SULT1C4: variants seen among roughly 807,000 people sequenced by gnomAD.
SULT1C4 encodes sulfotransferase family 1C member 4.
In SULT1C4, 32 loss-of-function variants were observed where a neutral mutation model predicts 34.8. The ratio of observed to expected loss-of-function variants is 0.92; its 90% CI spans 0.69 to 1.23. The LOEUF (loss-of-function observed/expected upper bound fraction) is 1.23, where lower values mean the gene tolerates loss of function less well. Among genes scored for constraint, SULT1C4 ranks in the 50% most tolerant of loss-of-function variants. SULT1C4 has a pLI of 0.00. For missense variants in SULT1C4, 375 were observed against 365.9 expected, an observed-to-expected ratio of 1.02 and a Z score of -0.20; for synonymous variants, 111 against 120.5, an observed-to-expected ratio of 0.92 and a Z score of 0.51.
intron 1 of SULT1C4, among the ~76,000 whole-genome samples, chr2:108,381,425 G>A (rs1678388771): frequency 6.6e-6 from 1 of 152,084 alleles, no homozygotes; most frequent in Non-Finnish European, 1.5e-5. Flanking sequence ...TCACTTGCAA[G>A]CAGATCACTT....
chr2:108,382,939 A>G (rs1049179784), intron 3 of SULT1C4, 154 bp from the exon 4 acceptor site: 1 of 471,498 alleles, frequency 2.1e-6, no homozygotes, highest in African/African-American at 2.1e-5. Flanking sequence ...AAAGTCTCCC[A>G]TAACCAGGAT....
At chr2:108,386,138 T>A in intron 5 of SULT1C4, 54 bp from the exon 6 acceptor site, 1 of 1,296,300 alleles carries the variant, frequency 7.7e-7, no homozygotes, top group Non-Finnish European at 1.0e-6. Flanking sequence ...ATCATAATAT[T>A]CTTTTTAAAC....
intron 2 of SULT1C4, 91 bp downstream of exon 2, chr2:108,381,978 A>G (rs1317957954): frequency 3.8e-6 from 5 of 1,322,192 alleles, no homozygotes; most frequent in Non-Finnish European, 4.9e-6. Context: ...AGGCTTTCAA[A>G]CAATTATTGG....
intron 6 of SULT1C4, among the ~76,000 whole-genome samples, chr2:108,386,595 AT>A (rs929477776): frequency 3.9e-5 from 6 of 152,248 alleles, no homozygotes; most frequent in African/African-American, 1.4e-4. Context: ...CCAACCACTT[AT>A]CCCCACTTTC....
intron 3 of SULT1C4, chr2:108,382,777 C>T: frequency 2.6e-6 from 1 of 383,100 alleles, no homozygotes; most frequent in East Asian, 5.2e-5. Context: ...GTGACACATG[C>T]CTGTAATCCA....
intron 3 of SULT1C4, 159 bp from the exon 4 acceptor site, chr2:108,382,928 AAAAGTC>A: frequency 2.5e-6 from 1 of 406,596 alleles, no homozygotes; most frequent in Non-Finnish European, 3.8e-6. Context: ...AAAAAAAAAA[AAAAGTC>A]TCCCATAACC....
rs3731686 is a variant in SULT1C4, at chr2:108,387,305, A to G, written c.797-15A>G. On this transcript the variant is annotated splice_polypyrimidine_tract_variant and intron_variant, in intron 6 of 6. Coordinates refer to ENST00000272452, the MANE Select transcript of SULT1C4 (RefSeq NM_006588.4). ...CCAACAGCTACTGAACCTCTCCCAC[A>G]TAACTGTATTTCAGGGGCAGTGGGA... The G allele has an allele frequency of 0.096, 153,417 of 1,595,672 alleles. 8,304 individuals carry two copies. The highest frequency in any genetic ancestry group is 0.18 in the South Asian group (16,229 of 89,644).
Position 108,387,627 on chromosome 2 carries a change from A to T in SULT1C4, c.*195A>T. The T allele has an allele frequency of 3.6e-6, 2 of 550,430 alleles. No individual in the cohort carries two copies. Among genetic ancestry groups the T allele is most frequent in the Admixed American group, 3.5e-5 (1 of 28,738 alleles). The allele number at this position is 550,430 out of a possible 1,614,324, so 34.1% of individuals were successfully genotyped here. ...TGGTGACAGGCAGCAGGGTGGCGAC[A>T]TGGAGAGAGGGAAGCTCAATAAATC... On this transcript the variant is annotated 3_prime_UTR_variant, in exon 7 of 7. Coordinates refer to ENST00000272452, the MANE Select transcript of SULT1C4 (RefSeq NM_006588.4).
At position 108,387,420 on chromosome 2, in the gene SULT1C4, CT is replaced by C. The variant is rs781233899; in HGVS notation, c.899del (p.Phe300SerfsTer13). On this transcript the variant is annotated frameshift_variant, in exon 7 of 7. Coordinates refer to ENST00000272452, the MANE Select transcript of SULT1C4 (RefSeq NM_006588.4). LOFTEE classifies it high-confidence loss of function. ...KMTDTRLTFH[F>X]QF is the part of the protein sequence containing the mutation. ...TGACTGATACCAGACTAACTTTCCA[CT>C]TCCAGTTCTAGTAAGGAAGAAAAAC... is the stretch of plus-strand genomic sequence containing the variant. 17 of 1,609,706 alleles carry C rather than the reference CT, an allele frequency of 1.1e-5. No individual in the cohort carries two copies. The Admixed American group carries it at 2.7e-4, about 25-fold the overall frequency.
intron 1 of SULT1C4, among the ~76,000 whole-genome samples, chr2:108,380,016 T>C (rs1209059949): frequency 3.9e-5 from 6 of 152,366 alleles, no homozygotes; most frequent in African/African-American, 1.4e-4. Context: ...GCTAAAGATA[T>C]CTTGGCCCTT....
chr2:108,378,259 C>A lies in SULT1C4; in HGVS notation c.-79C>A. 7.3e-7 allele frequency: 1 copy of A among 1,364,348 alleles called. No individual in the cohort carries two copies. The highest frequency in any genetic ancestry group is 1.0e-6 in the Non-Finnish European group (1 of 976,906). The allele number at this position is 1,364,348 out of a possible 1,614,324, so 84.5% of individuals were successfully genotyped here. On this transcript the variant is annotated 5_prime_UTR_variant, in exon 1 of 7. In the 5' UTR this introduces an upstream ATG that the reference lacks. Transcript: ENST00000272452. ...GTGTGGTAGTGTGGTGGATAGAGTG[C>A]TGCCTCTATCCACAACGCAGCCATA...
intron 3 of SULT1C4, chr2:108,382,806 G>GGCAGGAGACTCGCTTGAAC (rs1678445768): frequency 1.1e-5 from 4 of 356,710 alleles, no homozygotes; most frequent in Non-Finnish European, 2.0e-5. Flanking sequence ...AGGAGGCTGA[G>GGCAGGAGACTCGCTTGAAC]GCAGGAGACT....
chr2:108,379,020 CAACA>C (rs1033310239), intron 1 of SULT1C4, among the ~76,000 whole-genome samples: 1 of 152,102 alleles, frequency 6.6e-6, no homozygotes, highest in Non-Finnish European at 1.5e-5. Context: ...TGCCTTATCT[CAACA>C]ATCAGTTTAA....
In SULT1C4 at chr2:108,379,704, G is replaced by C. The variant is rs560230342; in HGVS notation, c.169+1198G>C. On this transcript the variant is annotated intron_variant, in intron 1 of 6. Coordinates refer to ENST00000272452, the MANE Select transcript of SULT1C4 (RefSeq NM_006588.4). ...ACTAAAACCATATACATTAATGAAG[G>C]CTATTTTATTAGAAGGAAGAAGAAA... Among the ~76,000 whole-genome samples, 14 of 152,158 alleles carry C rather than the reference G, an allele frequency of 9.2e-5. No individual in the cohort carries two copies. The Middle Eastern group carries it at 0.01, about 111-fold the overall frequency.
chr2:108,386,026 G>T (rs1364353282), intron 5 of SULT1C4, among the ~76,000 whole-genome samples, 166 bp from the exon 6 acceptor site: 1 of 152,126 alleles, frequency 6.6e-6, no homozygotes, highest in Non-Finnish European at 1.5e-5. Context: ...ACTAAAAAAA[G>T]AACAATATGG....
In SULT1C4 at chr2:108,386,427, G is replaced by A. The variant is rs1017990506; in HGVS notation, c.796+55G>A. ...TAAAAGAACTGTCAAATATTTTAAA[G>A]CATTTGAGGAGTTTTCTTTCCTGTG... On this transcript the variant is annotated intron_variant, in intron 6 of 6. Transcript: ENST00000272452. The A allele has an allele frequency of 5.5e-6, 7 of 1,261,338 alleles. No homozygotes were observed. In the African/African-American group the frequency reaches 6.2e-5, roughly 11 times the overall value. 78.1% of individuals were successfully genotyped at this position (1,261,338 alleles called of 1,614,324 possible).
chr2:108,378,473 G>C lies in SULT1C4; in HGVS notation c.136G>C (p.Asp46His), dbSNP rs1220815962. 2.5e-6 allele frequency: 4 copies of C among 1,614,056 alleles called. No homozygotes were observed. In the South Asian group the frequency reaches 4.4e-5, roughly 18 times the overall value. The part of the protein sequence containing the change: ...DKIWNFQAKP[D>H]DLLISTYPKA... ...GATCTGGAACTTCCAAGCCAAGCCT[G>C]ATGACCTGCTTATTTCTACCTATCC... The change falls in exon 1 of 7, where the codon GAT (aspartate) becomes CAT (histidine). Residue 46 changes from aspartate to histidine, a missense_variant. Coordinates refer to ENST00000272452, the MANE Select transcript of SULT1C4 (RefSeq NM_006588.4).
chr2:108,388,456 T>C lies in SULT1C4; in HGVS notation c.*1024T>C, dbSNP rs1001070677. On this transcript the variant is annotated 3_prime_UTR_variant, in exon 7 of 7. Transcript: ENST00000272452. ...ATTCCTTGTTTTCCTTCTATTTCTA[T>C]AGCCACCCTTCTGGTTCACAAACCT... 1.3e-5 allele frequency among the ~76,000 whole-genome samples: 2 copies of C among 152,240 alleles called. No individual in the cohort carries two copies. Among genetic ancestry groups the C allele is most frequent in the African/African-American group, 2.4e-5 (1 of 41,472 alleles).
chr2:108,386,180 CT>C lies in SULT1C4; in HGVS notation c.616-11del. On this transcript the variant is annotated splice_polypyrimidine_tract_variant and intron_variant, in intron 5 of 6. Coordinates refer to ENST00000272452, the MANE Select transcript of SULT1C4 (RefSeq NM_006588.4). ...TATTAAATCATTACTTTTCTTTTGA[CT>C]CTGATCATAGAACCCAAAGCATGAA... 1 of 1,438,578 alleles carries C rather than the reference CT, an allele frequency of 7.0e-7. No homozygotes were observed. 89.1% of individuals were successfully genotyped at this position (1,438,578 alleles called of 1,614,324 possible).
Sources: allele counts gnomAD v4.1 joint callset (sites outside exome capture counted in the v4.1 genomes callset), GRCh38; gene constraint gnomAD v4.1.1; transcripts MANE v1.5; gene names NCBI Gene and HGNC (gene_info 2026-07-23, HGNC 2026-07-21).